NTF3: variants seen among roughly 807,000 people sequenced by gnomAD.
The protein encoded by NTF3 is neurotrophin 3.
In NTF3, 8 loss-of-function variants were observed where a neutral mutation model predicts 26.3. The observed-to-expected ratio is 0.30, with a 90% CI of 0.18 to 0.55. The LOEUF (loss-of-function observed/expected upper bound fraction) is 0.55, where lower values mean the gene tolerates loss of function less well. NTF3 is among the 20% of genes least tolerant of loss of function. The pLI is 0.93. For missense variants in NTF3, 276 were observed against 352.9 expected (o/e 0.78, Z 1.75); for synonymous variants, 154 against 145.5 (o/e 1.06, Z -0.42).
intron 1 of NTF3, among the ~76,000 whole-genome samples, chr12:5,440,180 G>T (rs1053434348): frequency 5.3e-5 from 8 of 152,144 alleles, no homozygotes; most frequent in Admixed American, 2.6e-4. Flanking sequence ...AGGTGACTTT[G>T]TTCTGTTGCT....
At chr12:5,466,254 G>A (rs946963686) in intron 1 of NTF3, among the ~76,000 whole-genome samples, 8 of 152,126 alleles carry the variant, frequency 5.3e-5, no homozygotes, top group Non-Finnish European at 7.4e-5. Flanking sequence ...CTTCCTAAAC[G>A]GCTAACCCAA....
intron 1 of NTF3, among the ~76,000 whole-genome samples, chr12:5,477,962 A>G (rs570340428): frequency 6.6e-6 from 1 of 152,344 alleles, no homozygotes; most frequent in East Asian, 1.9e-4. Flanking sequence ...ATGGAGAAGT[A>G]ACCCTTACTC....
chr12:5,431,834 G>A (rs891194165), upstream of NTF3, among the ~76,000 whole-genome samples: 1 of 152,116 alleles, frequency 6.6e-6, no homozygotes, highest in African/African-American at 2.4e-5. Context: ...GAACTCAAGG[G>A]TGGGGGTTAC....
intron 1 of NTF3, among the ~76,000 whole-genome samples, chr12:5,493,909 G>A (rs537430418): frequency 6.6e-6 from 1 of 152,198 alleles, no homozygotes; most frequent in South Asian, 2.1e-4. Context: ...GTAGGACATC[G>A]TCCACCCACA....
intron 1 of NTF3, among the ~76,000 whole-genome samples, chr12:5,479,148 C>T (rs574754873): frequency 1.0e-3 from 157 of 152,312 alleles, no homozygotes; most frequent in Middle Eastern, 6.8e-3. Context: ...TAACTTGTTT[C>T]ATCTCCAGAA....
chr12:5,453,828 A>G (rs1307626209), intron 1 of NTF3, among the ~76,000 whole-genome samples: 1 of 152,134 alleles, frequency 6.6e-6, no homozygotes, highest in Non-Finnish European at 1.5e-5. Context: ...AGGAGGGAGG[A>G]AGATGTTGGA....
rs140169804 is a variant in NTF3 at position 5,443,738 on chromosome 12, A to G, written c.18+11396A>G. ...TAAAATGAGGAAAAGATTGTTTTCT[A>G]TAGCTCTTTTACTCCTTGTCTCTTT... On this transcript the variant is annotated intron_variant, in intron 1 of 1. Coordinates refer to ENST00000423158, the MANE Select transcript of NTF3 (RefSeq NM_001102654.2). Among the ~76,000 whole-genome samples the G allele has an allele frequency of 1.4e-3, 207 of 152,320 alleles. 1 individual carries two copies. Among genetic ancestry groups the G allele is most frequent in the African/African-American group, 4.7e-3 (195 of 41,580 alleles).
intron 1 of NTF3, among the ~76,000 whole-genome samples, chr12:5,446,424 TG>T (rs1474382885): frequency 6.6e-6 from 1 of 152,224 alleles, no homozygotes; most frequent in African/African-American, 2.4e-5. Context: ...GATGGCTCAA[TG>T]GGAAGGAAAG....
upstream of NTF3, chr12:5,431,970 G>GCT (rs1565568219): frequency 1.3e-5 from 2 of 150,364 alleles, no homozygotes; most frequent in African/African-American, 4.9e-5. Context: ...GCGGGGGGGG[G>GCT]GCTCTGGGGC....
chr12:5,477,594 G>C (rs1376775891), intron 1 of NTF3, among the ~76,000 whole-genome samples: 4 of 152,162 alleles, frequency 2.6e-5, no homozygotes, highest in African/African-American at 9.7e-5. Flanking sequence ...ATGAAGTCAG[G>C]TTGTGATTGC....
At chr12:5,493,368 T>G (rs546755625) in intron 1 of NTF3, among the ~76,000 whole-genome samples, 1 of 152,320 alleles carries the variant, frequency 6.6e-6, no homozygotes, top group African/African-American at 2.4e-5. Flanking sequence ...GTTAAAAATC[T>G]AAAGGAGGCA....
In NTF3 at chr12:5,494,633, C is replaced by A. The variant is rs1408813478; in HGVS notation, c.458C>A (p.Ala153Glu). 6.2e-7 allele frequency: 1 copy of A among 1,613,914 alleles called. No individual in the cohort carries two copies. Among genetic ancestry groups the A allele is most frequent in the African/African-American group, 1.3e-5 (1 of 74,870 alleles). The stretch of plus-strand genomic sequence containing the variant: ...AGAACATCACGGCGGAAACGGTACG[C>A]GGAGCATAAGAGTCACCGAGGGGAG... ...ANRTSRRKRY[A>E]EHKSHRGEYS... is the part of the protein sequence containing the mutation. The change falls in exon 2 of 2, where the codon GCG becomes GAG. Residue 153 changes from alanine to glutamate, a missense_variant. By Grantham distance (107) the Ala-to-Glu change is moderately radical. Around this residue, in one of 3 missense-constraint regions of NTF3, gnomAD observed 221 missense variants for 258.2 expected, o/e 0.86. Transcript: ENST00000423158. This position sits in a 1 kb window ranked among gnomAD's most constrained non-coding sequence, Gnocchi z 8.3.
intron 1 of NTF3, among the ~76,000 whole-genome samples, chr12:5,453,898 A>C (rs1002639721): frequency 6.6e-6 from 1 of 152,222 alleles, no homozygotes; most frequent in African/African-American, 2.4e-5. Context: ...TTTTGATCCA[A>C]GGTATACATG....
At chr12:5,478,928 C>T (rs1940755788) in intron 1 of NTF3, among the ~76,000 whole-genome samples, 1 of 152,190 alleles carries the variant, frequency 6.6e-6, no homozygotes, top group South Asian at 2.1e-4. Context: ...TTAATCCATT[C>T]GTTAGTGCCA....
At chr12:5,457,250 C>T (rs552985774) in intron 1 of NTF3, among the ~76,000 whole-genome samples, 2 of 152,342 alleles carry the variant, frequency 1.3e-5, no homozygotes, top group Non-Finnish European at 2.9e-5. Flanking sequence ...ACTGATGTTC[C>T]TGTGTTCCTC....
At chr12:5,461,287 C>T (rs1195386255) in intron 1 of NTF3, among the ~76,000 whole-genome samples, 2 of 152,070 alleles carry the variant, frequency 1.3e-5, no homozygotes, top group Non-Finnish European at 2.9e-5. Context: ...TAAAGGAGGC[C>T]CTGGGTAGGA....
chr12:5,435,394 G>A (rs1416975996), intron 1 of NTF3, among the ~76,000 whole-genome samples: 2 of 152,216 alleles, frequency 1.3e-5, no homozygotes, highest in Non-Finnish European at 1.5e-5. Context: ...GACAGAGCTC[G>A]ACGCTTGTTG....
upstream of NTF3, among the ~76,000 whole-genome samples, chr12:5,430,613 A>C (rs1591586422): frequency 2.1e-5 from 3 of 142,250 alleles, no homozygotes; most frequent in African/African-American, 7.9e-5. Flanking sequence ...TCCCCATCCA[A>C]CCCCCCAGCT....
intron 1 of NTF3, among the ~76,000 whole-genome samples, chr12:5,444,220 CA>C (rs565521924): frequency 6.6e-6 from 1 of 152,022 alleles, no homozygotes; most frequent in Non-Finnish European, 1.5e-5. Flanking sequence ...TGGACAAAGA[CA>C]AAAAAATATG....
Sources: gnomAD v4.1 joint callset for allele counts (sites outside exome capture counted in the v4.1 genomes callset) on GRCh38, gnomAD v4.1.1 for gene constraint, gnomAD v4.1.1 regional missense constraint, Gnocchi (gnomAD v3.1) non-coding constraint, MANE v1.5 for transcripts, NCBI Gene and HGNC (gene_info 2026-07-23, HGNC 2026-07-21) for gene names.